The following ATP6V1G3 variants were observed in gnomAD, a reference collection of about 807,000 sequenced individuals.
ATP6V1G3 encodes V-type proton ATPase subunit G 3.
A neutral mutation model predicts 9.3 loss-of-function variants in ATP6V1G3; 9 were observed. That is an observed-to-expected ratio of 0.97 (90% confidence interval 0.59 to 1.69). The LOEUF is 1.69. Among genes scored for constraint, ATP6V1G3 ranks in the 40% most tolerant of loss-of-function variants. The probability of loss-of-function intolerance (pLI) is 0.00; values close to 1 mark genes in which losing one functional copy is unlikely to be tolerated. For missense variants in ATP6V1G3, 133 were observed against 139.0 expected (o/e 0.96, Z 0.22); for synonymous variants, 43 against 43.8 (o/e 0.98, Z 0.07).
Position 198,533,175 on chromosome 1 carries a change from G to A in ATP6V1G3, c.83-3994C>T, listed in dbSNP as rs142061199. Among the ~76,000 whole-genome samples the A allele has an allele frequency of 3.0e-4, 46 of 151,886 alleles. No individual in the cohort carries two copies. In the East Asian group the frequency reaches 7.9e-3, roughly 26 times the overall value. On this transcript the variant is annotated intron_variant, in intron 1 of 2. Transcript: ENST00000367382. ...AAAAATTAGGTGGACATGGTGGTGC[G>A]TGCCTGTAGTTCCAGCTATTTGGGA...
chr1:198,533,082 G>T (rs1659969027), intron 1 of ATP6V1G3, among the ~76,000 whole-genome samples: 1 of 151,958 alleles, frequency 6.6e-6, no homozygotes, highest in South Asian at 2.1e-4. Context: ...GAGGCAGGTG[G>T]ATCATGAGGT....
At chr1:198,535,999 A>ATTTTT (rs79465930) in intron 1 of ATP6V1G3, among the ~76,000 whole-genome samples, 2 of 151,098 alleles carry the variant, frequency 1.3e-5, no homozygotes, top group Non-Finnish European at 3.0e-5. Flanking sequence ...GAAAATTTAC[A>ATTTTT]TTTTTTTTTG....
intron 2 of ATP6V1G3, among the ~76,000 whole-genome samples, chr1:198,525,391 G>A (rs1659614606): frequency 6.6e-6 from 1 of 152,132 alleles, no homozygotes; most frequent in Non-Finnish European, 1.5e-5. Flanking sequence ...TGTTGTGAAT[G>A]ACTTTGGAAA....
intron 1 of ATP6V1G3, 142 bp downstream of exon 1, chr1:198,540,427 T>C: frequency 1.3e-6 from 1 of 766,848 alleles, no homozygotes; most frequent in Non-Finnish European, 2.2e-6. Flanking sequence ...CTGGGTAATT[T>C]TAATGAATGG....
Position 198,529,161 on chromosome 1 carries a change from G to T in ATP6V1G3, c.103C>A (p.Gln35Lys). The change falls in exon 2 of 3, where the codon CAA (glutamine) becomes AAA (lysine). Residue 35 changes from glutamine to lysine, a missense_variant. Gln to Lys is a moderately conservative substitution (Grantham distance 53). Transcript: ENST00000367382. ...AKKRKGKRLK[Q>K]AKEEAMVEID... Reference sequence around the variant, plus strand: ...TCTACCATTGCTTCCTCCTTGGCTTGCTTCAATCGCTTTCCTTTTCCTGAA... The same window carrying T: ...TCTACCATTGCTTCCTCCTTGGCTTTCTTCAATCGCTTTCCTTTTCCTGAA... 7.2e-7 allele frequency: 1 copy of T among 1,389,768 alleles called. No homozygotes were observed. 86.1% of individuals were successfully genotyped at this position (1,389,768 alleles called of 1,614,324 possible).
rs377392206 is a variant in ATP6V1G3 at position 198,537,742 on chromosome 1, T to C, written c.82+2827A>G. Among the ~76,000 whole-genome samples, 66 of 152,334 alleles carry C rather than the reference T, an allele frequency of 4.3e-4. 1 individual carries two copies. In the East Asian group the frequency reaches 9.8e-3, roughly 23 times the overall value. Reference sequence around the variant, plus strand: ...ATAGTCATTTGTGCATTTATCTCACTGGGAAGTTCTTTAAGGAAGAACTAG... The same window carrying C: ...ATAGTCATTTGTGCATTTATCTCACCGGGAAGTTCTTTAAGGAAGAACTAG... On this transcript the variant is annotated intron_variant, in intron 1 of 2. Coordinates refer to ENST00000367382, the MANE Select transcript of ATP6V1G3 (RefSeq NM_001376861.1).
At chr1:198,531,289 C>A (rs1334608667) in intron 1 of ATP6V1G3, among the ~76,000 whole-genome samples, 1 of 152,130 alleles carries the variant, frequency 6.6e-6, no homozygotes, top group Non-Finnish European at 1.5e-5. Context: ...AAACTGGAGC[C>A]TAAAGCCTAC....
At chr1:198,526,999 C>A (rs1230009578) in intron 2 of ATP6V1G3, among the ~76,000 whole-genome samples, 1 of 152,064 alleles carries the variant, frequency 6.6e-6, no homozygotes, top group Non-Finnish European at 1.5e-5. Context: ...AACGTACAGC[C>A]CACATTGGGA....
At chr1:198,524,569 G>T (rs1659584078) in intron 2 of ATP6V1G3, among the ~76,000 whole-genome samples, 2 of 152,028 alleles carry the variant, frequency 1.3e-5, no homozygotes. Flanking sequence ...TCTTTAATTG[G>T]CAGTGATTCC....
At chr1:198,536,600 G>A in intron 1 of ATP6V1G3, 18 of 1,241,708 alleles carry the variant, frequency 1.4e-5, no homozygotes, top group Non-Finnish European at 1.9e-5. Context: ...ACATAAAAAT[G>A]AGTGAGAGCT....
chr1:198,533,227 C>T (rs1055456625), intron 1 of ATP6V1G3, among the ~76,000 whole-genome samples: 4 of 151,556 alleles, frequency 2.6e-5, no homozygotes, highest in African/African-American at 9.7e-5. Flanking sequence ...TCGCTTGAAC[C>T]CAGGAGGCAG....
intron 1 of ATP6V1G3, among the ~76,000 whole-genome samples, chr1:198,529,806 A>G (rs1223146989): frequency 2.0e-5 from 3 of 152,104 alleles, no homozygotes; most frequent in African/African-American, 7.2e-5. Context: ...TCTGAGGGGA[A>G]CTTGCTTGAA....
At chr1:198,525,210 T>G (rs949795815) in intron 2 of ATP6V1G3, among the ~76,000 whole-genome samples, 4 of 152,180 alleles carry the variant, frequency 2.6e-5, no homozygotes, top group Non-Finnish European at 5.9e-5. Flanking sequence ...CTCAAAATTT[T>G]TCCTCTAAAT....
intron 1 of ATP6V1G3, among the ~76,000 whole-genome samples, chr1:198,538,998 T>C (rs1159939693): frequency 6.6e-6 from 1 of 152,256 alleles, no homozygotes; most frequent in Non-Finnish European, 1.5e-5. Context: ...TTGTTTTCTA[T>C]AAAACTACTC....
intron 2 of ATP6V1G3, among the ~76,000 whole-genome samples, chr1:198,524,803 A>G (rs1428616647): frequency 6.6e-6 from 1 of 152,174 alleles, no homozygotes; most frequent in Non-Finnish European, 1.5e-5. Flanking sequence ...AGACTGTTTT[A>G]TGTTTGTTTG....
intron 1 of ATP6V1G3, among the ~76,000 whole-genome samples, chr1:198,537,975 T>G (rs1224427767): frequency 6.6e-6 from 1 of 152,230 alleles, no homozygotes; most frequent in East Asian, 1.9e-4. Context: ...TGCTGATAGC[T>G]TTAAGAAAAC....
chr1:198,540,066 T>C, intron 1 of ATP6V1G3, among the ~76,000 whole-genome samples: 1 of 151,086 alleles, frequency 6.6e-6, no homozygotes, highest in East Asian at 1.9e-4. Flanking sequence ...AAAAAATAAA[T>C]TAATAAAAAT....
At chr1:198,536,671 C>A in intron 1 of ATP6V1G3, 1 of 1,591,830 alleles carries the variant, frequency 6.3e-7, no homozygotes, top group South Asian at 1.1e-5. Context: ...CATTTCTAGT[C>A]ATCTTACCAG....
At position 198,540,642 on chromosome 1, in the gene ATP6V1G3, G is replaced by A. The variant is rs184813174; in HGVS notation, c.9C>T (p.Ser3=). The A allele has an allele frequency of 1.9e-5, 31 of 1,613,872 alleles. 1 individual carries two copies. The highest frequency in any genetic ancestry group is 3.3e-4 in the Middle Eastern group (2 of 6,084). The part of the protein sequence containing the change: MT[S]QSQGIHQLLQ... The stretch of plus-strand genomic sequence containing the variant: ...GAAGCTGGTGGATCCCCTGAGACTG[G>A]CTTGTCATGGTAGTCTGCTCCAAGC... The change falls in exon 1 of 3, where the codon AGC becomes AGT. Residue 3 remains serine, a synonymous_variant. Transcript: ENST00000367382.
Sources: gnomAD v4.1 joint callset for allele counts (sites outside exome capture counted in the v4.1 genomes callset) on GRCh38, gnomAD v4.1.1 for gene constraint, MANE v1.5 for transcripts, NCBI Gene and HGNC (gene_info 2026-07-23, HGNC 2026-07-21) for gene names.